Variants in ASTN1 observed in about 807,000 individuals in gnomAD.
ASTN1 encodes the protein astrotactin-1.
A neutral mutation model predicts 140.7 loss-of-function variants in ASTN1; 41 were observed. The observed-to-expected ratio is 0.29, with a 90% CI of 0.23 to 0.38. The LOEUF (loss-of-function observed/expected upper bound fraction) is 0.38. Ranked by LOEUF, ASTN1 falls within the 10% of genes least tolerant of loss-of-function variation. ASTN1 has a pLI of 1.00. For missense variants in ASTN1, 1,479 were observed against 1,678.8 expected, an observed-to-expected ratio of 0.88 and a Z score of 2.08; for synonymous variants, 640 against 652.2, an observed-to-expected ratio of 0.98 and a Z score of 0.29.
intron 16 of ASTN1, among the ~76,000 whole-genome samples, chr1:176,907,697 C>A (rs2103055576): frequency 6.6e-6 from 1 of 152,188 alleles, no homozygotes; most frequent in South Asian, 2.1e-4. Flanking sequence ...GGCAACACCC[C>A]TGTAGACAGC....
intron 16 of ASTN1, among the ~76,000 whole-genome samples, chr1:176,913,597 G>A (rs920935155): frequency 1.3e-5 from 2 of 152,222 alleles, no homozygotes; most frequent in Non-Finnish European, 2.9e-5. Flanking sequence ...AACAAACTTG[G>A]ATTTAGAAGA....
intron 9 of ASTN1, among the ~76,000 whole-genome samples, chr1:176,959,352 A>G (rs1020994786): frequency 3.3e-5 from 5 of 152,062 alleles, no homozygotes; most frequent in Non-Finnish European, 7.4e-5. Flanking sequence ...GGAACAATGG[A>G]AGGATGCTTA....
chr1:177,091,919 TTG>T (rs1679773684), intron 1 of ASTN1, among the ~76,000 whole-genome samples: 1 of 151,042 alleles, frequency 6.6e-6, no homozygotes, highest in Non-Finnish European at 1.5e-5. Flanking sequence ...CACTTGTGGA[TTG>T]TCTCTTTTTT....
chr1:176,873,809 G>A (rs967987751), intron 21 of ASTN1, among the ~76,000 whole-genome samples: 1 of 152,014 alleles, frequency 6.6e-6, no homozygotes, highest in Non-Finnish European at 1.5e-5. Context: ...CTCGTCTGCT[G>A]GGATTTCAGA....
chr1:177,017,957 C>T (rs1038798595), intron 7 of ASTN1, among the ~76,000 whole-genome samples: 1 of 152,130 alleles, frequency 6.6e-6, no homozygotes, highest in Non-Finnish European at 1.5e-5. Context: ...GCTGGGCTCA[C>T]CATAAGTTCT....
chr1:177,086,294 C>A (rs556553199), intron 1 of ASTN1, among the ~76,000 whole-genome samples: 3 of 146,736 alleles, frequency 2.0e-5, no homozygotes, highest in Non-Finnish European at 4.5e-5. Context: ...TAAAAAACTC[C>A]TTTTTTCACC....
intron 16 of ASTN1, among the ~76,000 whole-genome samples, chr1:176,922,556 C>CAAAAAAAAAAA (rs71129589): frequency 0.027 from 2,106 of 77,510 alleles, 88 homozygotes; most frequent in Non-Finnish European, 0.04. Context: ...GCCCCCACTG[C>CAAAAAAAAAAA]AAAAAAAAAA....
At chr1:177,142,200 T>C (rs1310465831) in intron 1 of ASTN1, among the ~76,000 whole-genome samples, 1 of 152,168 alleles carries the variant, frequency 6.6e-6, no homozygotes. Flanking sequence ...AAAATAATAA[T>C]TACACATTGT....
At chr1:176,989,727 T>C (rs1001145987) in intron 8 of ASTN1, among the ~76,000 whole-genome samples, 2 of 152,176 alleles carry the variant, frequency 1.3e-5, no homozygotes, top group Admixed American at 6.5e-5. Context: ...ATTTTGCTGA[T>C]AATGGACGAA....
intron 1 of ASTN1, among the ~76,000 whole-genome samples, chr1:177,146,995 G>T (rs1295512012): frequency 2.6e-5 from 4 of 151,882 alleles, no homozygotes; most frequent in African/African-American, 9.7e-5. Flanking sequence ...TAAAGCAATT[G>T]TTACTGCTTT....
intron 1 of ASTN1, among the ~76,000 whole-genome samples, chr1:177,114,348 C>T (rs1332487803): frequency 6.6e-6 from 1 of 151,912 alleles, no homozygotes; most frequent in Non-Finnish European, 1.5e-5. Context: ...GTTTTAAAAC[C>T]ATTTGTTTTT....
intron 21 of ASTN1, among the ~76,000 whole-genome samples, chr1:176,872,210 A>T (rs577157563): frequency 2.6e-3 from 378 of 147,020 alleles, no homozygotes; most frequent in East Asian, 5.5e-3. Flanking sequence ...TTTTTTTTTA[A>T]AAAAAAGCAC....
At chr1:177,150,370 G>A (rs1043305661) in intron 1 of ASTN1, among the ~76,000 whole-genome samples, 1 of 152,114 alleles carries the variant, frequency 6.6e-6, no homozygotes, top group South Asian at 2.1e-4. Context: ...CATTCAGTCT[G>A]GGGGTAAAGG....
intron 1 of ASTN1, among the ~76,000 whole-genome samples, chr1:177,129,594 T>C (rs1278128467): frequency 1.3e-5 from 2 of 152,054 alleles, no homozygotes; most frequent in East Asian, 3.9e-4. Flanking sequence ...AAGAGAAAAA[T>C]GCACTTAACA....
At chr1:176,963,425 G>C (rs1229194154) in intron 9 of ASTN1, among the ~76,000 whole-genome samples, 1 of 152,072 alleles carries the variant, frequency 6.6e-6, no homozygotes, top group Non-Finnish European at 1.5e-5. Flanking sequence ...GTGACCCATT[G>C]CTTTCATTTG....
chr1:176,978,687 T>C (rs1000457335), intron 8 of ASTN1, among the ~76,000 whole-genome samples: 1 of 152,020 alleles, frequency 6.6e-6, no homozygotes, highest in Admixed American at 6.6e-5. Flanking sequence ...AAAGGCTGAG[T>C]GTTATCTGTG....
chr1:177,043,792 T>A (rs16850682), intron 2 of ASTN1, among the ~76,000 whole-genome samples: 21,636 of 152,142 alleles, frequency 0.14, 1,924 homozygotes, highest in East Asian at 0.26. Context: ...TATGCCAATA[T>A]CCCTTCCAAG....
At chr1:176,886,319 T>G (rs1191354150) in intron 18 of ASTN1, among the ~76,000 whole-genome samples, 1 of 152,214 alleles carries the variant, frequency 6.6e-6, no homozygotes, top group Non-Finnish European at 1.5e-5. Flanking sequence ...AAACACAGGT[T>G]TAAAAACAAA....
chr1:176,871,030 C>T (rs907197052), intron 21 of ASTN1, among the ~76,000 whole-genome samples: 5 of 152,130 alleles, frequency 3.3e-5, no homozygotes, highest in Admixed American at 1.3e-4. Context: ...GACTATCTGC[C>T]GTTGCTATTG....
Sources: gnomAD v4.1 joint callset for allele counts (sites outside exome capture counted in the v4.1 genomes callset) on GRCh38, gnomAD v4.1.1 for gene constraint, MANE v1.5 for transcripts, NCBI Gene and HGNC (gene_info 2026-07-23, HGNC 2026-07-21) for gene names.